CDC42BPG: variants seen among roughly 807,000 people sequenced by gnomAD.
CDC42BPG encodes the protein serine/threonine-protein kinase MRCK gamma.
In CDC42BPG, 157 loss-of-function variants were observed where a neutral mutation model predicts 192.2. That is an observed-to-expected ratio of 0.82 (90% confidence interval 0.72 to 0.93). CDC42BPG has a LOEUF of 0.93. Ranked by LOEUF, CDC42BPG falls within the 40% of genes least tolerant of loss-of-function variation. The probability of loss-of-function intolerance (pLI) is 0.00; values close to 1 mark genes in which losing one functional copy is unlikely to be tolerated. For missense variants in CDC42BPG, 1,992 were observed against 2,122.1 expected (o/e 0.94, Z 1.20); for synonymous variants, 981 against 918.5 (o/e 1.07, Z -1.23).
intron 16 of CDC42BPG, 75 bp from the exon 17 acceptor site, chr11:64,835,228 A>G: frequency 1.2e-6 from 2 of 1,602,222 alleles, no homozygotes; most frequent in Non-Finnish European, 1.7e-6. Context: ...TAGGTACCCC[A>G]GCACCCCGAG....
chr11:64,839,318 A>G (rs994519583), intron 6 of CDC42BPG, 85 bp from the exon 7 acceptor site: 31 of 1,561,828 alleles, frequency 2.0e-5, no homozygotes, highest in Non-Finnish European at 2.4e-5. Flanking sequence ...TGTCACCCCT[A>G]CTCTGCCAGG....
intron 8 of CDC42BPG, 127 bp from the exon 9 acceptor site, chr11:64,838,289 C>A (rs1592717111): frequency 4.3e-6 from 3 of 692,090 alleles, no homozygotes; most frequent in East Asian, 5.5e-5. Context: ...GGTAACACAG[C>A]CCAACCCAAA....
rs56338925 is a variant in CDC42BPG, at chr11:64,841,834, G to T, written c.231C>A (p.Ile77=). ...QRDDFEILKV[I]GRGAFGEVTV... ...TCACCTCCCCAAAGGCTCCTCGGCC[G>T]ATCACCTTCAAGATCTCAAAGTCAT... The change falls in exon 2 of 37, where the codon ATC becomes ATA. Residue 77 remains isoleucine, a synonymous_variant. Transcript: ENST00000342711. 1 of 1,613,960 alleles carries T rather than the reference G, an allele frequency of 6.2e-7. No homozygotes were observed. Among genetic ancestry groups the T allele is most frequent in the South Asian group, 1.1e-5 (1 of 91,078 alleles).
intron 13 of CDC42BPG, 106 bp from the exon 14 acceptor site, chr11:64,835,957 G>T: frequency 7.7e-7 from 1 of 1,302,270 alleles, no homozygotes; most frequent in Non-Finnish European, 1.1e-6. Flanking sequence ...ACATGAGGAG[G>T]CATGGACTCC....
At position 64,833,272 on chromosome 11, in the gene CDC42BPG, G is replaced by A. The variant is rs922180122; in HGVS notation, c.2690C>T (p.Ser897Leu). 5.2e-6 allele frequency: 8 copies of A among 1,548,576 alleles called. No homozygotes were observed. Among genetic ancestry groups the A allele is most frequent in the Middle Eastern group, 3.3e-4 (2 of 5,996 alleles). Reference protein sequence around the residue: ...PSPTKCLRCTSLMLGLGRQGL... With the variant: ...PSPTKCLRCTLLMLGLGRQGL... ...CTGGCGGCCCAGGCCCAGCATCAGC[G>A]AGGTGCAGCGGAGACACTTGGTCGG... Residue 897 changes from serine (S) to leucine (L), a missense_variant, in exon 24 of 37, where the codon TCG (serine) becomes TTG (leucine). Ser to Leu is a moderately radical substitution (Grantham distance 145). Transcript: ENST00000342711.
At chr11:64,840,308 G>A (rs199816701) in intron 4 of CDC42BPG, 40 bp from the exon 5 acceptor site, 549 of 1,598,576 alleles carry the variant, frequency 3.4e-4, no homozygotes, top group Non-Finnish European at 4.3e-4. Flanking sequence ...GGGGAAGGGT[G>A]CACCTGGCCA....
intron 3 of CDC42BPG, among the ~76,000 whole-genome samples, chr11:64,841,012 G>A (rs10897531): frequency 0.028 from 4,325 of 152,140 alleles, 207 homozygotes; most frequent in African/African-American, 0.098. Flanking sequence ...TTAGCTGGGT[G>A]TCGTGGCACA....
At chr11:64,830,465 G>C (rs1287371900) in intron 28 of CDC42BPG, 1 of 607,070 alleles carries the variant, frequency 1.6e-6, no homozygotes, top group Non-Finnish European at 2.9e-6. Context: ...TGAGCTGTGG[G>C]ATTTTGGGTA....
chr11:64,826,645 A>C, intron 35 of CDC42BPG, 26 bp downstream of exon 35: 1 of 1,585,470 alleles, frequency 6.3e-7, no homozygotes, highest in Non-Finnish European at 8.6e-7. Flanking sequence ...GGGGTGGCAC[A>C]CTGGAGGCTG....
rs146684529 is a variant in CDC42BPG, at chr11:64,838,669, G to C, written c.1110C>G (p.Asp370Glu). The C allele has an allele frequency of 6.2e-7, 1 of 1,612,858 alleles. No homozygotes were observed. Among genetic ancestry groups the C allele is most frequent in the African/African-American group, 1.3e-5 (1 of 74,930 alleles). ...TGCCACTCACTGGATGGTTGAGGGT[G>C]TCGTCATCCACATCAAAGTTGGAGG... ...MDTSNFDVDD[D>E]TLNHPGTLPP... Residue 370 changes from aspartate (D) to glutamate (E), a missense_variant, in exon 8 of 37, where the codon GAC (aspartate) becomes GAG (glutamate). Physicochemically the swap from Asp to Glu is conservative, Grantham distance 45. Coordinates refer to ENST00000342711, the MANE Select transcript of CDC42BPG (RefSeq NM_017525.3).
At chr11:64,838,018 C>T (rs563262457) in intron 9 of CDC42BPG, 65 bp downstream of exon 9, 72 of 1,369,836 alleles carry the variant, frequency 5.3e-5, no homozygotes, top group African/African-American at 3.2e-4. Context: ...GTGGGCTACG[C>T]GCCCAGTGTC....
intron 27 of CDC42BPG, among the ~76,000 whole-genome samples, 171 bp downstream of exon 27, chr11:64,832,257 A>C (rs1462561047): frequency 6.6e-6 from 1 of 152,220 alleles, no homozygotes; most frequent in African/African-American, 2.4e-5. Flanking sequence ...GACGATGGGA[A>C]GCCACAGCAG....
At position 64,837,009 on chromosome 11, in the gene CDC42BPG, C is replaced by T; in HGVS notation, c.1216G>A (p.Glu406Lys). ...FTYTSGSHSP[E>K]SSSEAWAALE... is the part of the protein sequence containing the mutation. ...GCAGCCCAAGCCTCAGAGCTGCTCTCAGGACTGTGACTGTAGGGGGACAGG... is the reference window on the plus strand; with the variant it reads ...GCAGCCCAAGCCTCAGAGCTGCTCTTAGGACTGTGACTGTAGGGGGACAGG... Residue 406 changes from glutamate to lysine, a missense_variant, in exon 10 of 37, where the codon GAG becomes AAG. Coordinates refer to ENST00000342711, the MANE Select transcript of CDC42BPG (RefSeq NM_017525.3). 3 of 1,613,064 alleles carry T rather than the reference C, an allele frequency of 1.9e-6. No homozygotes were observed. The highest frequency in any genetic ancestry group is 2.5e-6 in the Non-Finnish European group (3 of 1,179,518).
intron 34 of CDC42BPG, 108 bp from the exon 35 acceptor site, chr11:64,826,902 GT>G: frequency 7.6e-7 from 1 of 1,314,250 alleles, no homozygotes. Flanking sequence ...CCCCAGCCTG[GT>G]TTTACTTAAG....
rs1285190129 is a variant in CDC42BPG, at chr11:64,835,546, C to T, written c.1834G>A (p.Glu612Lys). The T allele has an allele frequency of 8.2e-6, 13 of 1,592,264 alleles. No homozygotes were observed. The highest frequency in any genetic ancestry group is 1.0e-5 in the Non-Finnish European group (12 of 1,173,144). ...AGCTGCTCTCGCAGGGCGGCCACCT[C>T]CTTCCTCAGTTGGGCCTCCTGAGGC... ...GGPQEAQLRK[E>K]VAALREQLEQ... Residue 612 changes from glutamate to lysine, a missense_variant, in exon 15 of 37, where the codon GAG becomes AAG. Glu to Lys is a moderately conservative substitution (Grantham distance 56). Around this residue, in one of 2 missense-constraint regions of CDC42BPG, gnomAD observed 1,656 missense variants for 1,844.3 expected, o/e 0.90. Transcript: ENST00000342711.
chr11:64,826,416 C>T, intron 36 of CDC42BPG, 54 bp downstream of exon 36: 4 of 1,290,832 alleles, frequency 3.1e-6, no homozygotes, highest in African/African-American at 1.5e-5. Flanking sequence ...TAGCATAAAA[C>T]GGAACTGCCT....
chr11:64,838,617 G>A, intron 8 of CDC42BPG, 37 bp downstream of exon 8: 1 of 1,606,106 alleles, frequency 6.2e-7, no homozygotes, highest in African/African-American at 1.3e-5. Context: ...CAAGGGGGTA[G>A]GGCAGCTCCC....
chr11:64,836,470 C>T lies in CDC42BPG; in HGVS notation c.1445G>A (p.Gly482Asp). Residue 482 changes from glycine to aspartate, a missense_variant, in exon 12 of 37, where the codon GGT (glycine) becomes GAT (aspartate). Coordinates refer to ENST00000342711, the MANE Select transcript of CDC42BPG (RefSeq NM_017525.3). ...CTCCTGCCGTAGGTCACTGTCCTGA[C>T]CTGGGCTACCAGCTGGGGGCCCATC... The part of the protein sequence containing the change: ...QTDGPPAGSP[G>D]QDSDLRQELD... The T allele has an allele frequency of 1.9e-6, 3 of 1,613,650 alleles. No individual in the cohort carries two copies. Among genetic ancestry groups the T allele is most frequent in the Non-Finnish European group, 2.5e-6 (3 of 1,179,988 alleles).
rs1381030933 is a variant in CDC42BPG at position 64,835,413 on chromosome 11, A to G, written c.1887T>C (p.Ser629=). The change falls in exon 16 of 37, where the codon AGT becomes AGC. Residue 629 remains serine, a synonymous_variant. Coordinates refer to ENST00000342711, the MANE Select transcript of CDC42BPG (RefSeq NM_017525.3). Reference sequence around the variant, plus strand: ...GCTGGCACAGAGCCTCCTCCTTACCACTCGGCCTGGGGAGGAGAAGGCCAA... The same window carrying G: ...GCTGGCACAGAGCCTCCTCCTTACCGCTCGGCCTGGGGAGGAGAAGGCCAA... ...QLEQAHSHRP[S]GKEEALCQLQ... 6.2e-7 allele frequency: 1 copy of G among 1,612,506 alleles called. No homozygotes were observed.
Sources: allele counts gnomAD v4.1 joint callset (sites outside exome capture counted in the v4.1 genomes callset), GRCh38; gene constraint gnomAD v4.1.1; regional missense constraint gnomAD v4.1.1; transcripts MANE v1.5; gene names NCBI Gene and HGNC (gene_info 2026-07-23, HGNC 2026-07-21).